Variants in PLEKHG2 observed in about 807,000 individuals in gnomAD.
PLEKHG2 encodes pleckstrin homology domain-containing family G member 2.
In PLEKHG2, 71 loss-of-function variants were observed where a neutral mutation model predicts 104.4. That is an observed-to-expected ratio of 0.68 (90% CI 0.56 to 0.83). PLEKHG2 has a LOEUF of 0.83. Ranked by LOEUF, PLEKHG2 falls within the 40% of genes least tolerant of loss-of-function variation. The pLI is 0.00. For missense variants in PLEKHG2, 1,730 were observed against 1,809.4 expected (o/e 0.96, Z 0.80); for synonymous variants, 728 against 737.0 (o/e 0.99, Z 0.20).
Position 39,425,398 on chromosome 19 carries a change from C to T in PLEKHG2, c.*104C>T. 1 of 1,463,320 alleles carries T rather than the reference C, an allele frequency of 6.8e-7. No homozygotes were observed. The highest frequency in any genetic ancestry group is 9.0e-7 in the Non-Finnish European group (1 of 1,109,342). 90.6% of individuals were successfully genotyped at this position (1,463,320 alleles called of 1,614,324 possible). On this transcript the variant is annotated 3_prime_UTR_variant, in exon 19 of 19. Coordinates refer to ENST00000425673, the MANE Select transcript of PLEKHG2 (RefSeq NM_022835.3). ...ACACTGAACGCAGGCCTCAAAACTG[C>T]TGCGGCCTTCCAACTCCTGGTATCT...
chr19:39,414,268 T>G (rs1341627767), intron 2 of PLEKHG2, 73 bp downstream of exon 2: 1 of 1,444,304 alleles, frequency 6.9e-7, no homozygotes, highest in African/African-American at 1.4e-5. Context: ...GGCAGGGTGA[T>G]GGAGACAACC....
Position 39,417,557 on chromosome 19 carries a change from A to G in PLEKHG2, c.747A>G (p.Glu249=), listed in dbSNP as rs2078626410. 19 of 1,613,860 alleles carry G rather than the reference A, an allele frequency of 1.2e-5. No homozygotes were observed. The highest frequency in any genetic ancestry group is 1.6e-5 in the Non-Finnish European group (19 of 1,179,934). ...CGTGCCTGGTGGCTGCCTGACAGGAACTAGGGAAGCACTGGGCGGAGGGCC... is the reference window on the plus strand; with the variant it reads ...CGTGCCTGGTGGCTGCCTGACAGGAGCTAGGGAAGCACTGGGCGGAGGGCC... ...RILKYHLLLQ[E]LGKHWAEGPG... The change falls in exon 8 of 19, where the codon GAA becomes GAG. Residue 249 remains glutamate, a splice_region_variant and synonymous_variant. Coordinates refer to ENST00000425673, the MANE Select transcript of PLEKHG2 (RefSeq NM_022835.3).
At chr19:39,414,298 G>C in intron 2 of PLEKHG2, 103 bp downstream of exon 2, 1 of 1,218,952 alleles carries the variant, frequency 8.2e-7, no homozygotes, top group Non-Finnish European at 1.2e-6. Flanking sequence ...CTCGCACAAA[G>C]CTCCGAGTCT....
In PLEKHG2 at chr19:39,422,799, C is replaced by T; in HGVS notation, c.1745C>T (p.Thr582Ile). The change falls in exon 18 of 19, where the codon ACA becomes ATA. Residue 582 changes from threonine to isoleucine, a missense_variant. Transcript: ENST00000425673. ...GTGCCTGGCGACAGCGAAACCCTCA[C>T]ATTCCAAGCCCTGCCCAGCCGGGAC... Reference protein sequence around the residue: ...SQVPGDSETLTFQALPSRDSS... With the variant: ...SQVPGDSETLIFQALPSRDSS... 1.3e-6 allele frequency: 2 copies of T among 1,530,132 alleles called. No individual in the cohort carries two copies. The highest frequency in any genetic ancestry group is 1.8e-6 in the Non-Finnish European group (2 of 1,141,228). The allele number at this position is 1,530,132 out of a possible 1,614,324, so 94.8% of individuals were successfully genotyped here.
At position 39,427,908 on chromosome 19, in the gene PLEKHG2, AT is replaced by A. The variant is rs1221142471; in HGVS notation, c.*2617del. On this transcript the variant is annotated 3_prime_UTR_variant, in exon 19 of 19. Transcript: ENST00000425673. ...CAGCTTGGCTTAAGTCTACCATTAAATTTGCCTGTCCTGGCCAGGTGCGGTG... is the reference window on the plus strand; with the variant it reads ...CAGCTTGGCTTAAGTCTACCATTAAATTGCCTGTCCTGGCCAGGTGCGGTG... 5 of 152,292 alleles carry A rather than the reference AT, an allele frequency of 3.3e-5. No individual in the cohort carries two copies. Among genetic ancestry groups the A allele is most frequent in the Middle Eastern group, 3.0e-3 (1 of 332 alleles). 9.4% of individuals were successfully genotyped at this position (152,292 alleles called of 1,614,324 possible).
At chr19:39,417,025 G>A (rs775461401) in intron 7 of PLEKHG2, 25 bp downstream of exon 7, 1 of 1,580,184 alleles carries the variant, frequency 6.3e-7, no homozygotes, top group Admixed American at 1.8e-5. Context: ...CTGGAGCCAG[G>A]CTGGGGAGGG....
chr19:39,423,498 C>T lies in PLEKHG2; in HGVS notation c.2444C>T (p.Ser815Phe). The T allele has an allele frequency of 6.3e-7, 1 of 1,585,072 alleles. No homozygotes were observed. ...GCCCCGAGTTCAGAAAGGACGGCGTCCCGAGTGCGAGAGCTGGCCCGGCTT... is the reference window on the plus strand; with the variant it reads ...GCCCCGAGTTCAGAAAGGACGGCGTTCCGAGTGCGAGAGCTGGCCCGGCTT... ...AGAPSSERTA[S>F]RVRELARLYS... Residue 815 changes from serine to phenylalanine, a missense_variant, in exon 18 of 19, where the codon TCC becomes TTC. By Grantham distance (155) the Ser-to-Phe change is radical. Coordinates refer to ENST00000425673, the MANE Select transcript of PLEKHG2 (RefSeq NM_022835.3).
chr19:39,422,323 C>A, intron 17 of PLEKHG2, 35 bp downstream of exon 17: 1 of 1,594,736 alleles, frequency 6.3e-7, no homozygotes, highest in Non-Finnish European at 8.5e-7. Context: ...GTCCTTGGGC[C>A]TCTGGGTGTG....
intron 11 of PLEKHG2, 59 bp downstream of exon 11, chr19:39,419,062 G>A: frequency 2.7e-6 from 4 of 1,459,370 alleles, no homozygotes; most frequent in Admixed American, 2.2e-5. Flanking sequence ...TCCCCCAATA[G>A]TACTAAGAGA....
At position 39,426,196 on chromosome 19, in the gene PLEKHG2, G is replaced by A. The variant is rs1409109229; in HGVS notation, c.*902G>A. The A allele has an allele frequency of 6.6e-6, 1 of 152,272 alleles. No homozygotes were observed. The highest frequency in any genetic ancestry group is 2.4e-5 in the African/African-American group (1 of 41,448). The allele number at this position is 152,272 out of a possible 1,614,324, so 9.4% of individuals were successfully genotyped here. On this transcript the variant is annotated 3_prime_UTR_variant, in exon 19 of 19. Coordinates refer to ENST00000425673, the MANE Select transcript of PLEKHG2 (RefSeq NM_022835.3). ...GAGACAATTCCATGCTGATACGGGG[G>A]AGATCAATTTTGGGGCTCTGGGATA...
At chr19:39,418,635 A>AT in intron 9 of PLEKHG2, 99 bp from the exon 10 acceptor site, 3 of 905,740 alleles carry the variant, frequency 3.3e-6, no homozygotes, top group African/African-American at 3.4e-5. Flanking sequence ...GCATCTTCCT[A>AT]GGGAGGAGGA....
Position 39,423,103 on chromosome 19 carries a change from G to A in PLEKHG2, c.2049G>A (p.Leu683=). 6.2e-7 allele frequency: 1 copy of A among 1,614,148 alleles called. No homozygotes were observed. Among genetic ancestry groups the A allele is most frequent in the Non-Finnish European group, 8.5e-7 (1 of 1,180,022 alleles). ...CTAGTGTCCCCAACACCCCCAGTCT[G>A]TCTAGCACTCCCACCCTCTCCTGTG... ...AIPSVPNTPS[L]SSTPTLSCDS... The change falls in exon 18 of 19, where the codon CTG becomes CTA. Residue 683 remains leucine, a synonymous_variant. Coordinates refer to ENST00000425673, the MANE Select transcript of PLEKHG2 (RefSeq NM_022835.3).
Position 39,423,241 on chromosome 19 carries a change from G to C in PLEKHG2, c.2187G>C (p.Lys729Asn). 1 of 1,613,834 alleles carries C rather than the reference G, an allele frequency of 6.2e-7. No individual in the cohort carries two copies. The highest frequency in any genetic ancestry group is 8.5e-7 in the Non-Finnish European group (1 of 1,179,708). The change falls in exon 18 of 19, where the codon AAG (lysine) becomes AAC (asparagine). Residue 729 changes from lysine to asparagine, a missense_variant. Coordinates refer to ENST00000425673, the MANE Select transcript of PLEKHG2 (RefSeq NM_022835.3). Reference sequence around the variant, plus strand: ...TGGGAGAGCCGCCTTCAGGAGGCAAGGCAGGGCCAGAGGAGGATGAAGAAG... The same window carrying C: ...TGGGAGAGCCGCCTTCAGGAGGCAACGCAGGGCCAGAGGAGGATGAAGAAG... The part of the protein sequence containing the change: ...GKLGEPPSGG[K>N]AGPEEDEEGV...
rs2078553978 is a variant in PLEKHG2, at chr19:39,413,626, G to C, written c.-23+214G>C. On this transcript the variant is annotated intron_variant, in intron 1 of 18. Coordinates refer to ENST00000425673, the MANE Select transcript of PLEKHG2 (RefSeq NM_022835.3). The surrounding 1 kb of genome is among the most constrained non-coding windows in gnomAD (Gnocchi z 4.5). The stretch of plus-strand genomic sequence containing the variant: ...GAGGGGGTGCGAGGGCTCGGGGCCA[G>C]CGCCCCAGCGCGCAGCCCTCGGCGG... 1 of 153,150 alleles carries C rather than the reference G, an allele frequency of 6.5e-6. No homozygotes were observed. Among genetic ancestry groups the C allele is most frequent in the African/African-American group, 2.4e-5 (1 of 41,394 alleles). The allele number at this position is 153,150 out of a possible 1,614,324, so 9.5% of individuals were successfully genotyped here.
chr19:39,424,516 C>T lies in PLEKHG2; in HGVS notation c.3383C>T (p.Pro1128Leu), dbSNP rs772686056. ...HLDHRIPANA[P>L]LSLSQELPDT... ...GACCATCGGATCCCAGCCAACGCCCCACTGTCTTTGTCCCAGGAGCTCCCA... is the reference window on the plus strand; with the variant it reads ...GACCATCGGATCCCAGCCAACGCCCTACTGTCTTTGTCCCAGGAGCTCCCA... The change falls in exon 19 of 19, where the codon CCA becomes CTA. Residue 1128 changes from proline to leucine, a missense_variant. Coordinates refer to ENST00000425673, the MANE Select transcript of PLEKHG2 (RefSeq NM_022835.3). The T allele has an allele frequency of 1.2e-6, 2 of 1,614,136 alleles. No individual in the cohort carries two copies. Among genetic ancestry groups the T allele is most frequent in the Admixed American group, 1.7e-5 (1 of 60,010 alleles).
chr19:39,420,585 C>G (rs1215621098), intron 11 of PLEKHG2, 41 bp from the exon 12 acceptor site: 3 of 1,613,760 alleles, frequency 1.9e-6, no homozygotes, highest in Middle Eastern at 1.7e-4. Flanking sequence ...TGTGGTACTC[C>G]AAGATCGACC....
Position 39,420,799 on chromosome 19 carries a change from G to T in PLEKHG2, c.1346G>T (p.Gly449Val), listed in dbSNP as rs2078687042. 6 of 1,613,972 alleles carry T rather than the reference G, an allele frequency of 3.7e-6. No individual in the cohort carries two copies. Among genetic ancestry groups the T allele is most frequent in the Non-Finnish European group, 4.2e-6 (5 of 1,180,014 alleles). ...CTAGAGCCCCTGACACCCCCACTTG[G>T]GTCTCCTCGACCTCGAGATGCTAGA... ...PVLEPLTPPLGSPRPRDARSF... is the reference protein window; with the variant it reads ...PVLEPLTPPLVSPRPRDARSF... The change falls in exon 13 of 19, where the codon GGG (glycine) becomes GTG (valine). Residue 449 changes from glycine (G) to valine (V), a missense_variant. Gly to Val is a moderately radical substitution (Grantham distance 109). Transcript: ENST00000425673.
In PLEKHG2 at chr19:39,425,613, G is replaced by A. The variant is rs528994913; in HGVS notation, c.*319G>A. Reference sequence around the variant, plus strand: ...CAAATCAGCGGTTCTGAAAGCTTGGGGAATCTCAGACTCCTTTGAGAATTA... The same window carrying A: ...CAAATCAGCGGTTCTGAAAGCTTGGAGAATCTCAGACTCCTTTGAGAATTA... On this transcript the variant is annotated 3_prime_UTR_variant, in exon 19 of 19. Transcript: ENST00000425673. 2.4e-6 allele frequency: 1 copy of A among 413,014 alleles called. No homozygotes were observed. The highest frequency in any genetic ancestry group is 1.1e-4 in the South Asian group (1 of 8,966). 25.6% of individuals were successfully genotyped at this position (413,014 alleles called of 1,614,324 possible).
chr19:39,424,566 C>G lies in PLEKHG2; in HGVS notation c.3433C>G (p.Pro1145Ala). Reference sequence around the variant, plus strand: ...AGACACTCAGGTTCCAGCTACCACACCTTTGCCCCTGCCACAAGTCCTCAC... The same window carrying G: ...AGACACTCAGGTTCCAGCTACCACAGCTTTGCCCCTGCCACAAGTCCTCAC... ...LPDTQVPATT[P>A]LPLPQVLTDI... The change falls in exon 19 of 19, where the codon CCT (proline) becomes GCT (alanine). Residue 1145 changes from proline to alanine, a missense_variant. Physicochemically the swap from Pro to Ala is conservative, Grantham distance 27. Transcript: ENST00000425673. 1 of 1,614,160 alleles carries G rather than the reference C, an allele frequency of 6.2e-7. No homozygotes were observed. Among genetic ancestry groups the G allele is most frequent in the Non-Finnish European group, 8.5e-7 (1 of 1,180,036 alleles).
Sources: gnomAD v4.1 joint callset for allele counts on GRCh38, gnomAD v4.1.1 for gene constraint, Gnocchi (gnomAD v3.1) non-coding constraint, MANE v1.5 for transcripts, NCBI Gene and HGNC (gene_info 2026-07-23, HGNC 2026-07-21) for gene names.